The following ACSM1 variants were observed in gnomAD, a reference collection of about 807,000 sequenced individuals.
ACSM1 encodes acyl-coenzyme A synthetase ACSM1, mitochondrial.
A neutral mutation model predicts 75.8 loss-of-function variants in ACSM1; 79 were observed. That is an observed-to-expected ratio of 1.04 (90% CI 0.87 to 1.26). The LOEUF is 1.26. ACSM1 is among the 50% of genes most tolerant of loss of function. The pLI is 0.00. For synonymous variants in ACSM1, 279 were observed against 265.8 expected (o/e 1.05, Z -0.48); for missense variants, 676 against 720.1 (o/e 0.94, Z 0.70).
intron 1 of ACSM1, among the ~76,000 whole-genome samples, chr16:20,693,895 A>G (rs2152343000): frequency 6.6e-6 from 1 of 152,362 alleles, no homozygotes; most frequent in Middle Eastern, 3.4e-3. Flanking sequence ...CCATCTAATT[A>G]GGAATAAATA....
At chr16:20,641,771 T>A (rs1303045999) in intron 7 of ACSM1, among the ~76,000 whole-genome samples, 1 of 152,202 alleles carries the variant, frequency 6.6e-6, no homozygotes, top group Non-Finnish European at 1.5e-5. Context: ...CAGCCCAACA[T>A]TCCTGGGTGC....
At chr16:20,692,219 C>T (rs932730890) in intron 1 of ACSM1, among the ~76,000 whole-genome samples, 1 of 152,156 alleles carries the variant, frequency 6.6e-6, no homozygotes. Context: ...GAACCTGGCC[C>T]GTGACACAGC....
At chr16:20,668,250 A>G (rs540042958) in intron 6 of ACSM1, among the ~76,000 whole-genome samples, 192 of 152,370 alleles carry the variant, frequency 1.3e-3, no homozygotes, top group Middle Eastern at 6.8e-3. Flanking sequence ...TCATAAAAAT[A>G]GTAAGTGGGA....
intron 7 of ACSM1, among the ~76,000 whole-genome samples, chr16:20,647,896 G>A (rs534423017): frequency 6.6e-6 from 1 of 152,114 alleles, no homozygotes; most frequent in South Asian, 2.1e-4. Flanking sequence ...AGCAGAACAC[G>A]TTCCTTATAA....
chr16:20,690,439 T>C (rs1477803044), intron 2 of ACSM1, among the ~76,000 whole-genome samples: 1 of 152,226 alleles, frequency 6.6e-6, no homozygotes, highest in Non-Finnish European at 1.5e-5. Flanking sequence ...TTGGTTTTTC[T>C]TGACATACCT....
chr16:20,660,795 T>C (rs1376127705), intron 7 of ACSM1, among the ~76,000 whole-genome samples: 1 of 152,166 alleles, frequency 6.6e-6, no homozygotes, highest in Non-Finnish European at 1.5e-5. Flanking sequence ...TACATAAATA[T>C]CCATAAGTTT....
At chr16:20,687,497 T>C (rs1348563595) in intron 2 of ACSM1, among the ~76,000 whole-genome samples, 2 of 152,102 alleles carry the variant, frequency 1.3e-5, no homozygotes, top group Non-Finnish European at 2.9e-5. Context: ...ATGCAGCTGC[T>C]CTTCAAGACT....
Position 20,659,194 on chromosome 16 carries a change from C to A in ACSM1, c.992+2600G>T, listed in dbSNP as rs564607878. Among the ~76,000 whole-genome samples, 6 of 152,214 alleles carry A rather than the reference C, an allele frequency of 3.9e-5. No homozygotes were observed. The South Asian group carries it at 6.2e-4, about 16-fold the overall frequency. On this transcript the variant is annotated intron_variant, in intron 7 of 13. Coordinates refer to ENST00000520010, the MANE Select transcript of ACSM1 (RefSeq NM_001318890.3). ...TCACCCCTTAAACTCCAGGTCTTCC[C>A]CCCATTATCCAAAACGCTAGTGTTT...
intron 7 of ACSM1, 103 bp from the exon 8 acceptor site, chr16:20,640,687 A>C: frequency 6.5e-7 from 1 of 1,539,162 alleles, no homozygotes; most frequent in Non-Finnish European, 8.8e-7. Flanking sequence ...CTAGTTCCTC[A>C]CTTTCTTATT....
At position 20,678,832 on chromosome 16, in the gene ACSM1, G is replaced by A. The variant is rs141438565; in HGVS notation, c.611+3424C>T. Among the ~76,000 whole-genome samples the A allele has an allele frequency of 1.6e-4, 25 of 152,320 alleles. No individual in the cohort carries two copies. The East Asian group carries it at 4.8e-3, about 29-fold the overall frequency. ...AAGAAACTCATCAAAGGTAGGATCA[G>A]GTCTTGCCCATGGTCCTCCTCCAAG... is the stretch of plus-strand genomic sequence containing the variant. On this transcript the variant is annotated intron_variant, in intron 4 of 13. Coordinates refer to ENST00000520010, the MANE Select transcript of ACSM1 (RefSeq NM_001318890.3).
At chr16:20,671,282 G>T (rs1337353490) in intron 5 of ACSM1, among the ~76,000 whole-genome samples, 1 of 152,014 alleles carries the variant, frequency 6.6e-6, no homozygotes, top group Non-Finnish European at 1.5e-5. Flanking sequence ...AGATGCTCTG[G>T]TAAAACCTAA....
intron 7 of ACSM1, among the ~76,000 whole-genome samples, chr16:20,661,518 C>A (rs1808381897): frequency 6.6e-6 from 1 of 152,072 alleles, no homozygotes; most frequent in African/African-American, 2.4e-5. Context: ...ATTTATTAAT[C>A]TGTAAATTTC....
At chr16:20,657,258 G>A (rs529804677) in intron 7 of ACSM1, among the ~76,000 whole-genome samples, 2 of 151,868 alleles carry the variant, frequency 1.3e-5, no homozygotes, top group South Asian at 2.1e-4. Context: ...TTTGCCTTTT[G>A]GTTCTATTGT....
intron 7 of ACSM1, among the ~76,000 whole-genome samples, chr16:20,650,001 G>A (rs768022805): frequency 8.5e-5 from 13 of 152,176 alleles, no homozygotes; most frequent in South Asian, 4.1e-4. Context: ...CCTTGAAGGA[G>A]TTGCCCAAAC....
In ACSM1 at chr16:20,691,125, G is replaced by A; in HGVS notation, c.64C>T (p.Pro22Ser). 1.2e-6 allele frequency: 2 copies of A among 1,613,340 alleles called. No individual in the cohort carries two copies. The highest frequency in any genetic ancestry group is 1.3e-5 in the African/African-American group (1 of 74,994). Reference sequence around the variant, plus strand: ...CGGCAGCGCAGCTGTGAAGGGGCAGGGTGGATGTTGTGGAAGGATTTGTGG... The same window carrying A: ...CGGCAGCGCAGCTGTGAAGGGGCAGAGTGGATGTTGTGGAAGGATTTGTGG... Reference protein sequence around the residue: ...GIHKSFHNIHPAPSQLRCRSL... With the variant: ...GIHKSFHNIHSAPSQLRCRSL... Residue 22 changes from proline (P) to serine (S), a missense_variant, in exon 2 of 14, where the codon CCT becomes TCT. Physicochemically the swap from Pro to Ser is moderately conservative, Grantham distance 74. Coordinates refer to ENST00000520010, the MANE Select transcript of ACSM1 (RefSeq NM_001318890.3).
chr16:20,628,011 C>T (rs1956998681), intron 10 of ACSM1, among the ~76,000 whole-genome samples: 1 of 149,740 alleles, frequency 6.7e-6, no homozygotes, highest in South Asian at 2.1e-4. Flanking sequence ...CACATAGAGC[C>T]TGGACAGATG....
chr16:20,685,140 C>T (rs932860126), intron 3 of ACSM1, 53 bp downstream of exon 3: 4 of 1,585,926 alleles, frequency 2.5e-6, no homozygotes, highest in Admixed American at 1.7e-5. Context: ...TCTCAGGACC[C>T]ATTGGTTCTA....
intron 11 of ACSM1, among the ~76,000 whole-genome samples, chr16:20,625,750 T>G (rs2016886386): frequency 6.6e-6 from 1 of 152,242 alleles, no homozygotes; most frequent in African/African-American, 2.4e-5. Flanking sequence ...CTGCCTGTAC[T>G]GATGGAGGAC....
At chr16:20,670,697 T>G (rs752269905) in intron 5 of ACSM1, among the ~76,000 whole-genome samples, 1 of 152,196 alleles carries the variant, frequency 6.6e-6, no homozygotes, top group African/African-American at 2.4e-5. Context: ...TTCCCAAGTC[T>G]CTGTAGTTCT....
Sources: gnomAD v4.1 joint callset for allele counts (sites outside exome capture counted in the v4.1 genomes callset) on GRCh38, gnomAD v4.1.1 for gene constraint, MANE v1.5 for transcripts, NCBI Gene and HGNC (gene_info 2026-07-23, HGNC 2026-07-21) for gene names.